Variants in SOS1 observed in about 807,000 individuals in gnomAD.
SOS1 encodes the protein SOS Ras/Rac guanine nucleotide exchange factor 1, also known as son of sevenless homolog 1.
A neutral mutation model predicts 157.6 loss-of-function variants in SOS1; 25 were observed. That is an observed-to-expected ratio of 0.16 (90% CI 0.12 to 0.22). SOS1 has a LOEUF of 0.22. Ranked by LOEUF, SOS1 falls within the 10% of genes least tolerant of loss-of-function variation. The pLI is 1.00. For missense variants in SOS1, 1,237 were observed against 1,599.1 expected (o/e 0.77, Z 3.86); for synonymous variants, 528 against 534.0 (o/e 0.99, Z 0.16).
chr2:39,069,708 C>T (rs1390210076), intron 1 of SOS1, among the ~76,000 whole-genome samples: 2 of 151,970 alleles, frequency 1.3e-5, no homozygotes, highest in African/African-American at 4.8e-5. Context: ...CCACCACACC[C>T]GGCCAATTTC....
intron 6 of SOS1, among the ~76,000 whole-genome samples, chr2:39,041,350 T>C (rs540171649): frequency 1.3e-5 from 2 of 152,366 alleles, no homozygotes; most frequent in South Asian, 2.1e-4. Context: ...GCCATTTATA[T>C]ATCTTCATTG....
chr2:39,031,328 T>C (rs1670153072), intron 8 of SOS1, among the ~76,000 whole-genome samples: 1 of 152,216 alleles, frequency 6.6e-6, no homozygotes, highest in Non-Finnish European at 1.5e-5. Flanking sequence ...TTTCTAAGGT[T>C]TGTTTGGGTG....
intron 6 of SOS1, among the ~76,000 whole-genome samples, chr2:39,036,867 G>A (rs1009306650): frequency 6.6e-6 from 1 of 151,964 alleles, no homozygotes; most frequent in Admixed American, 6.6e-5. Flanking sequence ...GAGCCACCGC[G>A]CCCGGCCTGA....
intron 1 of SOS1, among the ~76,000 whole-genome samples, chr2:39,096,163 T>C (rs1245609889): frequency 6.6e-6 from 1 of 152,184 alleles, no homozygotes; most frequent in Non-Finnish European, 1.5e-5. Context: ...AGCAAGACTT[T>C]CTCCTTAAGC....
intron 10 of SOS1, among the ~76,000 whole-genome samples, chr2:39,018,324 C>A (rs1196020333): frequency 6.6e-6 from 1 of 151,744 alleles, no homozygotes; most frequent in East Asian, 1.9e-4. Context: ...AGTTTTTCCC[C>A]CTCATCATTA....
chr2:38,997,263 G>A lies in SOS1; in HGVS notation c.2954C>T (p.Ser985Leu). 1 of 1,607,240 alleles carries A rather than the reference G, an allele frequency of 6.2e-7. No homozygotes were observed. The highest frequency in any genetic ancestry group is 1.1e-5 in the South Asian group (1 of 90,742). Residue 985 changes from serine to leucine, a missense_variant, in exon 18 of 23, where the codon TCA becomes TTA. This residue lies in a region of SOS1 where 34 missense variants were observed against 28.1 expected (regional missense o/e 1.21). Transcript: ENST00000402219. ...AATAATTCAACTTACTTTGATATCT[G>A]ATTCTACTCGTAAACAGTAAGGCTG... ...QNQPYCLRVE[S>L]DIKRFFENLN... is the part of the protein sequence containing the mutation.
At chr2:39,026,720 T>TA (rs1669977084) in intron 8 of SOS1, among the ~76,000 whole-genome samples, 1 of 152,246 alleles carries the variant, frequency 6.6e-6, no homozygotes, top group Non-Finnish European at 1.5e-5. Flanking sequence ...TTATCAAGTT[T>TA]AGTCTTTAAA....
intron 20 of SOS1, among the ~76,000 whole-genome samples, chr2:38,990,913 C>G (rs1668713378): frequency 6.6e-6 from 1 of 152,042 alleles, no homozygotes; most frequent in African/African-American, 2.4e-5. Context: ...CAGTTAGATA[C>G]TGAGTAAATT....
intron 8 of SOS1, among the ~76,000 whole-genome samples, chr2:39,031,835 T>G (rs1338435305): frequency 3.3e-5 from 5 of 152,192 alleles, no homozygotes; most frequent in Non-Finnish European, 7.4e-5. Flanking sequence ...AAAAATCACA[T>G]TATTGAAGCA....
chr2:39,065,047 T>C (rs1055109192), intron 2 of SOS1, among the ~76,000 whole-genome samples: 11 of 151,964 alleles, frequency 7.2e-5, no homozygotes, highest in Admixed American at 2.0e-4. Context: ...TGTGGGCCAC[T>C]ATGCCCAGTC....
At chr2:39,003,082 C>T (rs796533225) in intron 17 of SOS1, among the ~76,000 whole-genome samples, 1,296 of 32,474 alleles carry the variant, frequency 0.04, 18 homozygotes, top group Admixed American at 0.059. Context: ...AAAAAAAGAA[C>T]GTAGGGGTAG....
intron 1 of SOS1, among the ~76,000 whole-genome samples, chr2:39,106,184 T>TACATAC (rs1178554968): frequency 7.4e-5 from 11 of 148,220 alleles, no homozygotes; most frequent in African/African-American, 2.5e-4. Flanking sequence ...TGTGCTACTG[T>TACATAC]ACACACACAC....
chr2:39,074,919 T>A (rs1671918200), intron 1 of SOS1, among the ~76,000 whole-genome samples: 1 of 149,512 alleles, frequency 6.7e-6, no homozygotes, highest in Admixed American at 6.7e-5. Flanking sequence ...CAAAATGATG[T>A]GTTGGGGAAA....
chr2:39,082,527 CTTTAAA>C (rs1478756837), intron 1 of SOS1: 1 of 151,794 alleles, frequency 6.6e-6, no homozygotes, highest in Non-Finnish European at 1.5e-5. Flanking sequence ...GTAAATTTTA[CTTTAAA>C]TTTATTAGAG....
chr2:39,099,083 G>T (rs1428492688), intron 1 of SOS1, among the ~76,000 whole-genome samples: 1 of 152,142 alleles, frequency 6.6e-6, no homozygotes, highest in African/African-American at 2.4e-5. Flanking sequence ...CACTAAGATG[G>T]CTAGAATAAA....
intron 20 of SOS1, among the ~76,000 whole-genome samples, chr2:38,991,406 G>A (rs931137995): frequency 1.3e-5 from 2 of 152,168 alleles, no homozygotes. Context: ...CTAAGGGATG[G>A]AAATGGAGAA....
chr2:39,026,354 C>CAAAA (rs761706344), intron 8 of SOS1, among the ~76,000 whole-genome samples: 3 of 21,180 alleles, frequency 1.4e-4, no homozygotes, highest in African/African-American at 6.1e-4. Context: ...GACTCCGTCT[C>CAAAA]AAAAAAAAAA....
chr2:39,071,910 T>G (rs75838859), intron 1 of SOS1, among the ~76,000 whole-genome samples: 1 of 129,830 alleles, frequency 7.7e-6, no homozygotes, highest in Non-Finnish European at 1.6e-5. Flanking sequence ...CCTATTTGGC[T>G]TTTTTTTTTT....
At chr2:39,022,510 G>C (rs1042398187) in intron 10 of SOS1, 60 bp downstream of exon 10, 5 of 1,358,332 alleles carry the variant, frequency 3.7e-6, no homozygotes, top group Admixed American at 3.4e-5. Context: ...AACCCATGCA[G>C]GAAAGAAAAT....
Sources: allele counts gnomAD v4.1 joint callset (sites outside exome capture counted in the v4.1 genomes callset), GRCh38; gene constraint gnomAD v4.1.1; regional missense constraint gnomAD v4.1.1; transcripts MANE v1.5; gene names NCBI Gene and HGNC (gene_info 2026-07-23, HGNC 2026-07-21).